Variants in TPRG1 observed in about 807,000 individuals in gnomAD.
TPRG1 encodes the protein tumor protein p63 regulated 1, also known as tumor protein p63-regulated gene 1 protein.
Under a neutral mutation model 29.3 loss-of-function variants are expected in TPRG1, and 29 were observed. That is an observed-to-expected ratio of 0.99 (90% CI 0.74 to 1.35). The LOEUF is 1.35. Among genes scored for constraint, TPRG1 ranks in the 40% most tolerant of loss-of-function variants. The pLI, the probability that TPRG1 is intolerant of heterozygous loss-of-function variation, is 0.00. For missense variants in TPRG1, 327 were observed against 335.0 expected, an observed-to-expected ratio of 0.98 and a Z score of 0.19; for synonymous variants, 130 against 116.8, an observed-to-expected ratio of 1.11 and a Z score of -0.73.
At chr3:189,280,086 A>G (rs1716850456) in intron 4 of TPRG1, among the ~76,000 whole-genome samples, 1 of 152,152 alleles carries the variant, frequency 6.6e-6, no homozygotes, top group Admixed American at 6.5e-5. Flanking sequence ...ATATTAGACT[A>G]TCTCTTTTGT....
intron 1 of TPRG1, among the ~76,000 whole-genome samples, chr3:189,195,425 A>G (rs1029733931): frequency 1.3e-5 from 2 of 152,060 alleles, no homozygotes; most frequent in Non-Finnish European, 2.9e-5. Flanking sequence ...GTAACAGCTG[A>G]TTGTGGCTTG....
At position 189,238,854 on chromosome 3, in the gene TPRG1, G is replaced by A. The variant is rs534100748; in HGVS notation, c.424G>A (p.Ala142Thr). The change falls in exon 4 of 6, where the codon GCT (alanine) becomes ACT (threonine). Residue 142 changes from alanine (A) to threonine (T), a missense_variant. Ala to Thr is a moderately conservative substitution (Grantham distance 58). Coordinates refer to ENST00000345063, the MANE Select transcript of TPRG1 (RefSeq NM_198485.4). ...CVQLQRIPLS[A>T]VYRICLGKFT... ...GCAGCTGCAGCGGATTCCTCTGAGC[G>A]CTGTCTATCGCATCTGCCTGGGCAA... 70 of 1,613,560 alleles carry A rather than the reference G, an allele frequency of 4.3e-5. 1 individual carries two copies. The highest frequency in any genetic ancestry group is 2.6e-4 in the South Asian group (24 of 91,054).
chr3:189,010,450 T>C (rs569520627), intron 3 of TPRG1, among the ~76,000 whole-genome samples: 25 of 152,294 alleles, frequency 1.6e-4, no homozygotes, highest in Admixed American at 1.2e-3. Flanking sequence ...GTACCTGCTA[T>C]TTTTTAGCTT....
chr3:189,228,828 A>G (rs1341913367), intron 3 of TPRG1, among the ~76,000 whole-genome samples: 1 of 152,210 alleles, frequency 6.6e-6, no homozygotes. Flanking sequence ...AATATTAACT[A>G]TCTCTATTTG....
intron 1 of TPRG1, among the ~76,000 whole-genome samples, chr3:189,106,812 A>G (rs1035641158): frequency 6.6e-6 from 1 of 152,044 alleles, no homozygotes; most frequent in African/African-American, 2.4e-5. Flanking sequence ...TACTGTCCCA[A>G]TTTCCATCTG....
chr3:189,036,270 G>A (rs779051079), intron 4 of TPRG1, among the ~76,000 whole-genome samples: 1 of 152,024 alleles, frequency 6.6e-6, no homozygotes, highest in Non-Finnish European at 1.5e-5. Flanking sequence ...GAGAGGGGAG[G>A]GTAGAATGGG....
At chr3:189,171,128 T>C (rs1728765326), upstream of TPRG1, among the ~76,000 whole-genome samples, 1 of 152,250 alleles carries the variant, frequency 6.6e-6, no homozygotes, top group Non-Finnish European at 1.5e-5. Context: ...TTTCAGAATG[T>C]GTTCATTAAG....
intron 1 of TPRG1, among the ~76,000 whole-genome samples, chr3:189,192,032 CG>C (rs1238416172): frequency 1.3e-5 from 2 of 152,154 alleles, no homozygotes; most frequent in African/African-American, 4.8e-5. Context: ...AGGGACAAAT[CG>C]GGGCACAGGA....
intron 4 of TPRG1, among the ~76,000 whole-genome samples, chr3:189,289,407 T>G (rs1289292020): frequency 6.6e-6 from 1 of 151,896 alleles, no homozygotes; most frequent in African/African-American, 2.4e-5. Flanking sequence ...TTTGGGTGTT[T>G]TTTTTTTTTT....
intron 1 of TPRG1, among the ~76,000 whole-genome samples, chr3:189,125,021 T>C (rs1210672381): frequency 2.0e-5 from 3 of 152,250 alleles, no homozygotes; most frequent in Non-Finnish European, 2.9e-5. Flanking sequence ...TAGTAGGTAA[T>C]CTTTTAGGTC....
intron 1 of TPRG1, among the ~76,000 whole-genome samples, chr3:189,110,118 C>T (rs1411210128): frequency 6.6e-6 from 1 of 152,154 alleles, no homozygotes; most frequent in Non-Finnish European, 1.5e-5. Context: ...TTTCATTTAA[C>T]TTCGGTAGAA....
intron 5 of TPRG1, among the ~76,000 whole-genome samples, chr3:189,314,852 G>A (rs1723232348): frequency 1.3e-5 from 2 of 152,166 alleles, no homozygotes; most frequent in South Asian, 4.1e-4. Flanking sequence ...TGTGGTGGTG[G>A]CCTATGCCTG....
At chr3:189,063,216 C>G (rs1314240804) in intron 4 of TPRG1, among the ~76,000 whole-genome samples, 1 of 152,118 alleles carries the variant, frequency 6.6e-6, no homozygotes, top group East Asian at 1.9e-4. Context: ...GGTAGTAATT[C>G]TAAATGTACA....
chr3:189,069,146 A>G (rs59953128), intron 4 of TPRG1, among the ~76,000 whole-genome samples: 2,431 of 152,366 alleles, frequency 0.016, 76 homozygotes, highest in African/African-American at 0.056. Flanking sequence ...TTACATCTAT[A>G]TCATGAATTA....
At chr3:189,107,662 A>G (rs1470512618) in intron 1 of TPRG1, among the ~76,000 whole-genome samples, 1 of 152,146 alleles carries the variant, frequency 6.6e-6, no homozygotes, top group Non-Finnish European at 1.5e-5. Context: ...AAATCATAAG[A>G]TCCTATTACA....
At chr3:189,121,676 C>T (rs992882455) in intron 1 of TPRG1, 1 of 152,150 alleles carries the variant, frequency 6.6e-6, no homozygotes, top group African/African-American at 2.4e-5. Flanking sequence ...TTCCCCATGC[C>T]CTCTTTTGGA....
At chr3:189,182,100 C>T (rs1730307797) in intron 1 of TPRG1, among the ~76,000 whole-genome samples, 1 of 152,190 alleles carries the variant, frequency 6.6e-6, no homozygotes, top group Non-Finnish European at 1.5e-5. Context: ...CTGGGTTCCT[C>T]CCACAACACA....
intron 3 of TPRG1, among the ~76,000 whole-genome samples, chr3:189,020,079 C>T (rs541540804): frequency 1.3e-5 from 2 of 152,054 alleles, no homozygotes; most frequent in East Asian, 1.9e-4. Flanking sequence ...GGTGGTGATA[C>T]CCCTTTATCA....
intron 3 of TPRG1, among the ~76,000 whole-genome samples, chr3:189,005,670 A>G (rs1712249797): frequency 6.6e-6 from 1 of 152,116 alleles, no homozygotes; most frequent in Admixed American, 6.6e-5. Flanking sequence ...ACATGTGGCT[A>G]AGGAGATTCA....
Sources: gnomAD v4.1 joint callset for allele counts (sites outside exome capture counted in the v4.1 genomes callset) on GRCh38, gnomAD v4.1.1 for gene constraint, MANE v1.5 for transcripts, NCBI Gene and HGNC (gene_info 2026-07-23, HGNC 2026-07-21) for gene names.